Variants in NEGR1 observed in about 807,000 individuals in gnomAD.
NEGR1 encodes IgLON family member 4.
In NEGR1, 10 loss-of-function variants were observed where a neutral mutation model predicts 40.9. That is an observed-to-expected ratio of 0.24 (90% CI 0.15 to 0.42). NEGR1 has a LOEUF of 0.42. NEGR1 is among the 10% of genes least tolerant of loss of function. The pLI is 1.00. For synonymous variants in NEGR1, 185 were observed against 166.8 expected (o/e 1.11, Z -0.84); for missense variants, 352 against 438.9 (o/e 0.80, Z 1.77).
At chr1:72,195,067 A>G (rs1652954645) in intron 1 of NEGR1, among the ~76,000 whole-genome samples, 1 of 152,032 alleles carries the variant, frequency 6.6e-6, no homozygotes, top group Admixed American at 6.6e-5. Flanking sequence ...CATCATGACA[A>G]TGAGGCACAA....
chr1:71,642,399 C>T (rs1651382156), intron 4 of NEGR1, among the ~76,000 whole-genome samples: 1 of 149,252 alleles, frequency 6.7e-6, no homozygotes, highest in African/African-American at 2.5e-5. Flanking sequence ...AAGAGAAGGA[C>T]AGAAAGAGAA....
chr1:72,075,120 T>A (rs769496198), intron 1 of NEGR1, among the ~76,000 whole-genome samples: 6 of 152,112 alleles, frequency 3.9e-5, no homozygotes, highest in Non-Finnish European at 8.8e-5. Context: ...TTTAAACAAT[T>A]TTAGATGTTT....
chr1:72,132,570 T>C (rs1256422474), intron 1 of NEGR1, among the ~76,000 whole-genome samples: 1 of 152,182 alleles, frequency 6.6e-6, no homozygotes, highest in Non-Finnish European at 1.5e-5. Context: ...TGAAATGACA[T>C]TTCTTTAATA....
In NEGR1 at chr1:71,956,225, T is replaced by A. The variant is rs115309064; in HGVS notation, c.177-20914A>T. On this transcript the variant is annotated intron_variant, in intron 1 of 6. Transcript: ENST00000357731. ...GAGGATTTCCTTGATGCCAATATAT[T>A]CACAGAGCCTAGCACAGTGTCTGAC... is the stretch of plus-strand genomic sequence containing the variant. Among the ~76,000 whole-genome samples the A allele has an allele frequency of 6.0e-3, 906 of 152,236 alleles. 3 individuals carry two copies. Among genetic ancestry groups the A allele is most frequent in the Non-Finnish European group, 0.011 (717 of 68,006 alleles).
At chr1:71,771,699 CAAAAA>C (rs60830449) in intron 3 of NEGR1, among the ~76,000 whole-genome samples, 2 of 12,098 alleles carry the variant, frequency 1.7e-4, no homozygotes, top group Non-Finnish European at 3.2e-4. Flanking sequence ...GACTTAGTCT[CAAAAA>C]AAAAAAAAAA....
intron 3 of NEGR1, among the ~76,000 whole-genome samples, chr1:71,775,854 G>A (rs1304090813): frequency 6.6e-6 from 1 of 151,752 alleles, no homozygotes; most frequent in Non-Finnish European, 1.5e-5. Context: ...GTAGCCAGAT[G>A]TGGTGGTGCA....
At position 71,747,700 on chromosome 1, in the gene NEGR1, T is replaced by C. The variant is rs573906485; in HGVS notation, c.535+28472A>G. ...TCAGCCTCCCAAACTGCTAGGACTA[T>C]AGGCATGAGCCACTGCGCCCAGTCC... On this transcript the variant is annotated intron_variant, in intron 3 of 6. Coordinates refer to ENST00000357731, the MANE Select transcript of NEGR1 (RefSeq NM_173808.3). Among the ~76,000 whole-genome samples the C allele has an allele frequency of 2.0e-4, 31 of 152,242 alleles. No homozygotes were observed. The South Asian group carries it at 5.2e-3, about 25-fold the overall frequency.
At chr1:72,088,816 T>G (rs1319277918) in intron 1 of NEGR1, among the ~76,000 whole-genome samples, 2 of 141,304 alleles carry the variant, frequency 1.4e-5, no homozygotes, top group Admixed American at 7.2e-5. Flanking sequence ...TTTTTTTTTT[T>G]TTTTTTTGAG....
chr1:71,703,843 T>G (rs1466190642), intron 3 of NEGR1, among the ~76,000 whole-genome samples: 3 of 151,560 alleles, frequency 2.0e-5, no homozygotes, highest in Non-Finnish European at 4.4e-5. Context: ...TATATAAATA[T>G]TGGGGGGGGT....
At chr1:72,194,920 C>T (rs1376380639) in intron 1 of NEGR1, among the ~76,000 whole-genome samples, 1 of 152,052 alleles carries the variant, frequency 6.6e-6, no homozygotes, top group African/African-American at 2.4e-5. Flanking sequence ...ACTGTGTCAT[C>T]TGCCATGCAC....
At chr1:72,247,156 T>G (rs1376934186) in intron 1 of NEGR1, among the ~76,000 whole-genome samples, 1 of 152,200 alleles carries the variant, frequency 6.6e-6, no homozygotes, top group East Asian at 1.9e-4. Flanking sequence ...TTAAGGTCTC[T>G]AAAATGCCTT....
At chr1:72,017,050 T>C (rs1175493343) in intron 1 of NEGR1, among the ~76,000 whole-genome samples, 1 of 151,736 alleles carries the variant, frequency 6.6e-6, no homozygotes, top group Admixed American at 6.6e-5. Context: ...TGTATTGGAG[T>C]GAATGTGGTA....
intron 1 of NEGR1, among the ~76,000 whole-genome samples, chr1:72,167,252 A>G (rs1314465221): frequency 6.6e-6 from 1 of 152,134 alleles, no homozygotes; most frequent in Non-Finnish European, 1.5e-5. Context: ...TCCTTTGTCC[A>G]TGATTTCCTT....
chr1:71,801,894 T>C (rs531685925), intron 2 of NEGR1, among the ~76,000 whole-genome samples: 24 of 152,318 alleles, frequency 1.6e-4, no homozygotes, highest in African/African-American at 5.1e-4. Context: ...TGCAAGCTAT[T>C]ATTGTTTTAG....
intron 6 of NEGR1, among the ~76,000 whole-genome samples, chr1:71,458,135 T>G (rs1646687594): frequency 6.6e-6 from 1 of 152,212 alleles, no homozygotes; most frequent in Admixed American, 6.5e-5. Flanking sequence ...ACCACATTGC[T>G]ACTCTGAAGA....
chr1:72,021,404 C>T (rs954966010), intron 1 of NEGR1, among the ~76,000 whole-genome samples: 3 of 151,934 alleles, frequency 2.0e-5, no homozygotes, highest in African/African-American at 7.3e-5. Flanking sequence ...AAAATGAGTA[C>T]TTTTGAAAAG....
chr1:72,131,100 T>C lies in NEGR1; in HGVS notation c.176+151219A>G, dbSNP rs539011900. Among the ~76,000 whole-genome samples the C allele has an allele frequency of 1.1e-4, 16 of 152,308 alleles. No homozygotes were observed. In the East Asian group the frequency reaches 2.3e-3, roughly 22 times the overall value. On this transcript the variant is annotated intron_variant, in intron 1 of 6. Transcript: ENST00000357731. ...ATACTTTTACATTTTAAGTTCTGTC[T>C]TCTAAGTCTCCTGACCAACTTGTTA...
chr1:71,556,791 T>C (rs1049568579), intron 6 of NEGR1, among the ~76,000 whole-genome samples: 1 of 151,528 alleles, frequency 6.6e-6, no homozygotes, highest in Non-Finnish European at 1.5e-5. Context: ...GATATATTCT[T>C]TTTGAAGGCA....
At chr1:71,765,848 C>G (rs1656103172) in intron 3 of NEGR1, among the ~76,000 whole-genome samples, 1 of 152,036 alleles carries the variant, frequency 6.6e-6, no homozygotes, top group Non-Finnish European at 1.5e-5. Flanking sequence ...GTTTATTAAA[C>G]AAAAGTGAGC....
Sources: gnomAD v4.1 joint callset for allele counts (sites outside exome capture counted in the v4.1 genomes callset) on GRCh38, gnomAD v4.1.1 for gene constraint, MANE v1.5 for transcripts, NCBI Gene and HGNC (gene_info 2026-07-23, HGNC 2026-07-21) for gene names.